The following RPH3A variants were observed in gnomAD, a reference collection of about 807,000 sequenced individuals.
RPH3A encodes rabphilin 3A.
Under a neutral mutation model 102.2 loss-of-function variants are expected in RPH3A, and 48 were observed. The ratio of observed to expected loss-of-function variants is 0.47; its 90% CI spans 0.37 to 0.60. The LOEUF is 0.60. Ranked by LOEUF, RPH3A falls within the 20% of genes least tolerant of loss-of-function variation. The pLI, the probability that RPH3A is intolerant of heterozygous loss-of-function variation, is 0.00. For synonymous variants in RPH3A, 310 were observed against 324.3 expected (o/e 0.96, Z 0.47); for missense variants, 781 against 910.1 (o/e 0.86, Z 1.83).
At chr12:112,866,675 C>T in intron 6 of RPH3A, 82 bp from the exon 7 acceptor site, 1 of 1,152,974 alleles carries the variant, frequency 8.7e-7, no homozygotes, top group East Asian at 2.5e-5. Flanking sequence ...TTTACATCCA[C>T]CAAGAGAAAG....
chr12:112,729,608 T>C (rs1368450108), intron 1 of RPH3A, among the ~76,000 whole-genome samples: 2 of 152,194 alleles, frequency 1.3e-5, no homozygotes, highest in African/African-American at 4.8e-5. Context: ...AGGAATCCAC[T>C]AAAGTCCTAA....
At chr12:112,591,133 A>G (rs967354496) in intron 1 of RPH3A, among the ~76,000 whole-genome samples, 5 of 147,566 alleles carry the variant, frequency 3.4e-5, no homozygotes, top group African/African-American at 1.3e-4. Context: ...ATTTTTGAAA[A>G]TAGAGATGGG....
intron 1 of RPH3A, among the ~76,000 whole-genome samples, chr12:112,647,275 A>G (rs1383854494): frequency 6.6e-6 from 1 of 152,198 alleles, no homozygotes; most frequent in African/African-American, 2.4e-5. Context: ...TTCTGGAGCC[A>G]GACTGTATAT....
At chr12:112,818,961 T>C (rs2136134515) in intron 2 of RPH3A, among the ~76,000 whole-genome samples, 1 of 152,138 alleles carries the variant, frequency 6.6e-6, no homozygotes, top group African/African-American at 2.4e-5. Context: ...ACACTTTAAA[T>C]TACAAGGCCC....
intron 1 of RPH3A, among the ~76,000 whole-genome samples, chr12:112,757,440 C>T (rs953206549): frequency 1.3e-5 from 2 of 152,038 alleles, no homozygotes; most frequent in Non-Finnish European, 2.9e-5. Flanking sequence ...ATTATATATT[C>T]TCAAATAACT....
intron 1 of RPH3A, among the ~76,000 whole-genome samples, chr12:112,718,279 G>T: frequency 6.6e-6 from 1 of 152,174 alleles, no homozygotes; most frequent in East Asian, 1.9e-4. Flanking sequence ...GTTGCATTAA[G>T]TTAAAAACAT....
At chr12:112,633,617 C>A (rs1051946738) in intron 1 of RPH3A, among the ~76,000 whole-genome samples, 22 of 152,064 alleles carry the variant, frequency 1.4e-4, no homozygotes, top group Non-Finnish European at 5.9e-5. Flanking sequence ...CAGATGCTGC[C>A]CCTCAACGTT....
intron 2 of RPH3A, among the ~76,000 whole-genome samples, chr12:112,824,670 T>C (rs566629832): frequency 6.6e-6 from 1 of 152,214 alleles, no homozygotes; most frequent in South Asian, 2.1e-4. Flanking sequence ...GTTAAGTGCA[T>C]TGAGAGTCCC....
chr12:112,797,469 A>G (rs976702), intron 2 of RPH3A, among the ~76,000 whole-genome samples: 46,925 of 151,860 alleles, frequency 0.31, 7,652 homozygotes, highest in Admixed American at 0.45. Context: ...GAGTCATCTG[A>G]TTTCCTTTCT....
chr12:112,666,998 C>G (rs1252378447), intron 1 of RPH3A, among the ~76,000 whole-genome samples: 2 of 152,122 alleles, frequency 1.3e-5, no homozygotes, highest in African/African-American at 4.8e-5. Context: ...AAATAAAGAC[C>G]TGAATCCTCA....
At chr12:112,813,946 TTG>T (rs112069714) in intron 2 of RPH3A, among the ~76,000 whole-genome samples, 27 of 148,302 alleles carry the variant, frequency 1.8e-4, no homozygotes, top group East Asian at 3.9e-4. Flanking sequence ...GTTTGTATGA[TTG>T]TGTGTGTGTG....
At chr12:112,883,086 A>G (rs1038251068) in intron 15 of RPH3A, among the ~76,000 whole-genome samples, 2 of 152,174 alleles carry the variant, frequency 1.3e-5, no homozygotes. Flanking sequence ...GAGGGGACCC[A>G]GTGTCAAGCA....
intron 1 of RPH3A, among the ~76,000 whole-genome samples, chr12:112,722,292 C>G (rs1420439357): frequency 1.3e-5 from 2 of 152,214 alleles, no homozygotes; most frequent in African/African-American, 4.8e-5. Context: ...GTGTCCTGAT[C>G]AGGTTCTGTA....
At chr12:112,718,779 A>T (rs2040531302) in intron 1 of RPH3A, among the ~76,000 whole-genome samples, 1 of 152,244 alleles carries the variant, frequency 6.6e-6, no homozygotes, top group South Asian at 2.1e-4. Context: ...GTAGCCCTGC[A>T]TAGAGGAAGA....
chr12:112,672,052 A>G (rs2040135938), intron 1 of RPH3A, among the ~76,000 whole-genome samples: 1 of 150,818 alleles, frequency 6.6e-6, no homozygotes. Flanking sequence ...ATATATATAT[A>G]TGAGAGAGAT....
chr12:112,850,144 C>G (rs142440151), intron 5 of RPH3A, among the ~76,000 whole-genome samples: 8 of 152,234 alleles, frequency 5.3e-5, no homozygotes, highest in Non-Finnish European at 8.8e-5. Context: ...TGCCACTTAC[C>G]CACTGCATGC....
chr12:112,830,729 C>G (rs1197253224), intron 3 of RPH3A, among the ~76,000 whole-genome samples: 1 of 151,772 alleles, frequency 6.6e-6, no homozygotes, highest in African/African-American at 2.4e-5. Flanking sequence ...CTCTTTATCT[C>G]TAATAATGAT....
chr12:112,662,621 C>T (rs552859859), intron 1 of RPH3A, among the ~76,000 whole-genome samples: 42 of 152,182 alleles, frequency 2.8e-4, no homozygotes, highest in Non-Finnish European at 5.9e-4. Context: ...TATGGTTTCT[C>T]TCTCAATTGC....
chr12:112,813,182 T>C (rs1314620712), intron 2 of RPH3A: 1 of 152,194 alleles, frequency 6.6e-6, no homozygotes, highest in Non-Finnish European at 1.5e-5. Flanking sequence ...GCTCAGCACC[T>C]CTCAGCCTCT....
Sources: allele counts gnomAD v4.1 joint callset (sites outside exome capture counted in the v4.1 genomes callset), GRCh38; gene constraint gnomAD v4.1.1; transcripts MANE v1.5; gene names NCBI Gene and HGNC (gene_info 2026-07-23, HGNC 2026-07-21).